AK9: variants seen among roughly 807,000 people sequenced by gnomAD.
AK9 encodes adenylate kinase 9.
AK9 carries 191 observed loss-of-function variants against 239.6 expected under a neutral mutation model. The observed-to-expected ratio is 0.80, with a 90% confidence interval of 0.71 to 0.90. The LOEUF (loss-of-function observed/expected upper bound fraction) is 0.90, where lower values mean the gene tolerates loss of function less well. Ranked by LOEUF, AK9 falls within the 40% of genes least tolerant of loss-of-function variation. AK9 has a pLI of 0.00. For synonymous variants in AK9, 689 were observed against 721.0 expected (o/e 0.96, Z 0.71); for missense variants, 1,995 against 2,214.7 (o/e 0.90, Z 1.99).
Position 109,514,425 on chromosome 6 carries a change from C to A in AK9, c.4078G>T (p.Glu1360Ter), listed in dbSNP as rs1348190520. ...GCATTTTCAACTGGCTTGATTGTCT[C>A]TCCTTCACTTAGCTGCAACATATAC... Reference protein sequence around the residue: ...YWDPVKLSEGETIKPVENAEN... With the variant: ...YWDPVKLSEG The change falls in exon 32 of 41, where the codon GAG (glutamate) becomes TAG (stop). Residue 1360 changes from glutamate to a stop codon, truncating the protein, a stop_gained. Transcript: ENST00000424296. LOFTEE classifies it high-confidence loss of function. 4 of 1,544,006 alleles carry A rather than the reference C, an allele frequency of 2.6e-6. No individual in the cohort carries two copies. Among genetic ancestry groups the A allele is most frequent in the Non-Finnish European group, 3.5e-6 (4 of 1,144,268 alleles).
chr6:109,511,155 T>C (rs1404408103), intron 32 of AK9, among the ~76,000 whole-genome samples: 1 of 151,974 alleles, frequency 6.6e-6, no homozygotes, highest in Non-Finnish European at 1.5e-5. Context: ...GCAAGTCATC[T>C]TTTATGTACT....
At chr6:109,634,849 T>G (rs28541333) in intron 10 of AK9, among the ~76,000 whole-genome samples, 1 of 152,138 alleles carries the variant, frequency 6.6e-6, no homozygotes, top group Non-Finnish European at 1.5e-5. Flanking sequence ...CACCCATACA[T>G]GAAAAAAGTA....
At chr6:109,601,723 TGTAGGTCTCTAA>T in intron 17 of AK9, among the ~76,000 whole-genome samples, 1 of 152,326 alleles carries the variant, frequency 6.6e-6, no homozygotes, top group South Asian at 2.1e-4. Context: ...TAAGTCTCTT[TGTAGGTCTCTAA>T]GGACTTGCTT....
At chr6:109,673,070 A>G (rs1771172335) in intron 3 of AK9, among the ~76,000 whole-genome samples, 1 of 152,218 alleles carries the variant, frequency 6.6e-6, no homozygotes, top group African/African-American at 2.4e-5. Context: ...GATAGGAATG[A>G]CAGGGGCATG....
chr6:109,568,253 A>G (rs1786876244), intron 21 of AK9, among the ~76,000 whole-genome samples: 1 of 152,208 alleles, frequency 6.6e-6, no homozygotes, highest in Non-Finnish European at 1.5e-5. Context: ...AACTCTCAAT[A>G]AACTAGTTAT....
At chr6:109,538,680 G>C (rs1274316274) in intron 27 of AK9, among the ~76,000 whole-genome samples, 1 of 152,034 alleles carries the variant, frequency 6.6e-6, no homozygotes. Context: ...CTCGTTAGTT[G>C]ATGCAGTTTC....
intron 6 of AK9, among the ~76,000 whole-genome samples, chr6:109,659,953 C>T (rs1800211430): frequency 6.6e-6 from 1 of 152,056 alleles, no homozygotes; most frequent in Admixed American, 6.6e-5. Context: ...AAAACTGAAT[C>T]CAGGTAGTAA....
At chr6:109,611,570 T>C (rs1583249030) in intron 16 of AK9, among the ~76,000 whole-genome samples, 1 of 139,814 alleles carries the variant, frequency 7.2e-6, no homozygotes, top group Admixed American at 6.8e-5. Flanking sequence ...TGTGTGCACA[T>C]GTTTGTGTGT....
At position 109,495,459 on chromosome 6, in the gene AK9, T is replaced by A. The variant is rs758694051; in HGVS notation, c.5316-19A>T. The A allele has an allele frequency of 6.4e-7, 1 of 1,568,004 alleles. No homozygotes were observed. The highest frequency in any genetic ancestry group is 2.2e-5 in the East Asian group (1 of 44,616). On this transcript the variant is annotated intron_variant, in intron 38 of 40. Transcript: ENST00000424296. Reference sequence around the variant, plus strand: ...TGGCGACCTAAGAACACAAAGTTCATTAGATGGATGCTCACAGTTATACTC... The same window carrying A: ...TGGCGACCTAAGAACACAAAGTTCAATAGATGGATGCTCACAGTTATACTC...
At chr6:109,664,996 C>T (rs529552265) in intron 5 of AK9, among the ~76,000 whole-genome samples, 1 of 152,158 alleles carries the variant, frequency 6.6e-6, no homozygotes, top group South Asian at 2.1e-4. Flanking sequence ...GCCGAGATCG[C>T]ACCACTGCAC....
At chr6:109,660,092 G>T (rs1443538576) in intron 6 of AK9, among the ~76,000 whole-genome samples, 2 of 152,212 alleles carry the variant, frequency 1.3e-5, no homozygotes, top group Admixed American at 1.3e-4. Flanking sequence ...CATCCTTCAG[G>T]TCAGAGAAGT....
intron 12 of AK9, among the ~76,000 whole-genome samples, chr6:109,620,772 A>C (rs12191353): frequency 6.6e-6 from 1 of 151,002 alleles, no homozygotes; most frequent in Non-Finnish European, 1.5e-5. Context: ...TATACACATA[A>C]TAGTATACAC....
Position 109,535,766 on chromosome 6 carries a change from T to G in AK9, c.3351-2296A>C, listed in dbSNP as rs193223744. 2.3e-4 allele frequency among the ~76,000 whole-genome samples: 35 copies of G among 152,352 alleles called. No individual in the cohort carries two copies. In the East Asian group the frequency reaches 5.6e-3, roughly 24 times the overall value. On this transcript the variant is annotated intron_variant, in intron 27 of 40. Coordinates refer to ENST00000424296, the MANE Select transcript of AK9 (RefSeq NM_001145128.3). ...CTAACATTTAAGTCTTTAATCCATCTTGAATTAATTTTTGTATAAGATGTA... is the reference window on the plus strand; with the variant it reads ...CTAACATTTAAGTCTTTAATCCATCGTGAATTAATTTTTGTATAAGATGTA...
intron 8 of AK9, among the ~76,000 whole-genome samples, chr6:109,654,577 C>G (rs1301974224): frequency 6.6e-6 from 1 of 152,142 alleles, no homozygotes; most frequent in Non-Finnish European, 1.5e-5. Flanking sequence ...GCAATCCACC[C>G]ACCTTGGCCT....
intron 5 of AK9, among the ~76,000 whole-genome samples, chr6:109,665,609 C>T (rs949077205): frequency 1.3e-5 from 2 of 152,168 alleles, no homozygotes; most frequent in Admixed American, 6.5e-5. Flanking sequence ...CTCTGGGACA[C>T]GATGGCTGGC....
At chr6:109,510,939 C>T (rs1272153159) in intron 32 of AK9, among the ~76,000 whole-genome samples, 1 of 152,062 alleles carries the variant, frequency 6.6e-6, no homozygotes. Flanking sequence ...TCACATTTCT[C>T]AATGAAATTT....
intron 8 of AK9, among the ~76,000 whole-genome samples, chr6:109,645,595 C>T (rs1181791760): frequency 6.6e-6 from 1 of 152,074 alleles, no homozygotes; most frequent in Non-Finnish European, 1.5e-5. Flanking sequence ...TCAACGAGGC[C>T]TGCCTGCCTC....
intron 8 of AK9, among the ~76,000 whole-genome samples, chr6:109,648,629 C>A (rs1798443701): frequency 6.6e-6 from 1 of 152,158 alleles, no homozygotes; most frequent in South Asian, 2.1e-4. Flanking sequence ...AGTCCAGGAC[C>A]AGATGGATTC....
chr6:109,503,218 GTATTA>G (rs533117765), intron 35 of AK9, among the ~76,000 whole-genome samples: 226 of 151,714 alleles, frequency 1.5e-3, no homozygotes, highest in Non-Finnish European at 2.8e-3. Flanking sequence ...ATAATACAAA[GTATTA>G]TATTATACTA....
Sources: gnomAD v4.1 joint callset for allele counts (sites outside exome capture counted in the v4.1 genomes callset) on GRCh38, gnomAD v4.1.1 for gene constraint, MANE v1.5 for transcripts, NCBI Gene and HGNC (gene_info 2026-07-23, HGNC 2026-07-21) for gene names.